MAP4: variants seen among roughly 807,000 people sequenced by gnomAD.
MAP4 encodes microtubule associated protein 4, also known as microtubule-associated protein 4.
Under a neutral mutation model 170.2 loss-of-function variants are expected in MAP4, and 76 were observed. The observed-to-expected ratio is 0.45, with a 90% CI of 0.37 to 0.54. The LOEUF (loss-of-function observed/expected upper bound fraction) is 0.54. Ranked by LOEUF, MAP4 falls within the 20% of genes least tolerant of loss-of-function variation. The probability of loss-of-function intolerance (pLI) is 0.00; values close to 1 mark genes in which losing one functional copy is unlikely to be tolerated. For missense variants in MAP4, 2,506 were observed against 2,748.0 expected, an observed-to-expected ratio of 0.91 and a Z score of 1.97; for synonymous variants, 909 against 994.5, an observed-to-expected ratio of 0.91 and a Z score of 1.62.
At position 47,871,031 on chromosome 3, in the gene MAP4, C is replaced by T. The variant is rs200912381; in HGVS notation, c.6076G>A (p.Ala2026Thr). ...ACTCGGCTGGGAACCACCCCTGCAG[C>T]GGGGGCTGTCCCACTGAGAGTGGTG... Reference protein sequence around the residue: ...KTTTLSGTAPAAGVVPSRVKA... With the variant: ...KTTTLSGTAPTAGVVPSRVKA... The change falls in exon 15 of 21, where the codon GCT becomes ACT. Residue 2026 changes from alanine to threonine, a missense_variant. Ala to Thr is a moderately conservative substitution (Grantham distance 58). Coordinates refer to ENST00000683076, the MANE Select transcript of MAP4 (RefSeq NM_001385682.1). 19 of 1,613,836 alleles carry T rather than the reference C, an allele frequency of 1.2e-5. No individual in the cohort carries two copies. The highest frequency in any genetic ancestry group is 2.2e-5 in the East Asian group (1 of 44,866).
In MAP4 at chr3:47,894,669, T is replaced by TTATC. The variant is rs1413119233; in HGVS notation, c.5434+8280_5434+8281insGATA. On this transcript the variant is annotated intron_variant, in intron 10 of 20. Coordinates refer to ENST00000683076, the MANE Select transcript of MAP4 (RefSeq NM_001385682.1). ...ACAACATAGTTGAATTCTTGCTTTC[T>TTATC]TTTTTTATACATATAATTGAATAAT... Among the ~76,000 whole-genome samples the TTATC allele has an allele frequency of 5.9e-5, 9 of 152,098 alleles. No homozygotes were observed. In the East Asian group the frequency reaches 1.7e-3, roughly 29 times the overall value.
intron 1 of MAP4, among the ~76,000 whole-genome samples, chr3:48,074,176 G>A (rs1559904900): frequency 6.6e-6 from 1 of 151,772 alleles, no homozygotes; most frequent in Non-Finnish European, 1.5e-5. Flanking sequence ...GATGAAGCTG[G>A]AAACCATCAT....
At chr3:47,921,208 C>T (rs970630074) in intron 5 of MAP4, among the ~76,000 whole-genome samples, 1 of 152,076 alleles carries the variant, frequency 6.6e-6, no homozygotes, top group Non-Finnish European at 1.5e-5. Flanking sequence ...TTGATTAATC[C>T]AAAGAGAGCC....
chr3:47,967,988 C>T (rs891961564), intron 3 of MAP4, among the ~76,000 whole-genome samples: 1 of 152,082 alleles, frequency 6.6e-6, no homozygotes, highest in Non-Finnish European at 1.5e-5. Flanking sequence ...GTCCTACCAG[C>T]GACCGACATT....
chr3:47,998,517 T>C, intron 2 of MAP4, 121 bp downstream of exon 2: 1 of 751,392 alleles, frequency 1.3e-6, no homozygotes, highest in Non-Finnish European at 2.3e-6. Context: ...CAAAGAAACA[T>C]AAAGTTACTA....
intron 3 of MAP4, among the ~76,000 whole-genome samples, chr3:47,943,304 C>G (rs186248515): frequency 6.6e-6 from 1 of 152,124 alleles, no homozygotes; most frequent in African/African-American, 2.4e-5. Flanking sequence ...GCCCACTAAC[C>G]TTTCTTGATT....
At position 47,880,343 on chromosome 3, in the gene MAP4, C is replaced by T. The variant is rs571429366; in HGVS notation, c.5435-2820G>A. ...CAGGATGGTCTCCATCTCCTGACCT[C>T]GTGATCCACCTGCCTCGGCCTCCCA... On this transcript the variant is annotated intron_variant, in intron 10 of 20. Transcript: ENST00000683076. Among the ~76,000 whole-genome samples the T allele has an allele frequency of 8.7e-5, 13 of 149,270 alleles. No homozygotes were observed. The South Asian group carries it at 1.1e-3, about 12-fold the overall frequency.
rs76079589 is a variant in MAP4 at position 47,956,987 on chromosome 3, G to A, written c.292+20878C>T. ...AACCACCTGGTGGCAAGTTGATTAC[G>A]CTGGACTTCTATTATGGGGAATAAG... On this transcript the variant is annotated intron_variant, in intron 3 of 20. Coordinates refer to ENST00000683076, the MANE Select transcript of MAP4 (RefSeq NM_001385682.1). Among the ~76,000 whole-genome samples, 615 of 152,254 alleles carry A rather than the reference G, an allele frequency of 4.0e-3. 6 individuals carry two copies. Among genetic ancestry groups the A allele is most frequent in the African/African-American group, 0.014 (590 of 41,538 alleles).
Position 48,048,823 on chromosome 3 carries a change from T to C in MAP4, c.-20+39950A>G, listed in dbSNP as rs77386206. 9.2e-5 allele frequency among the ~76,000 whole-genome samples: 14 copies of C among 152,148 alleles called. No individual in the cohort carries two copies. The East Asian group carries it at 2.7e-3, about 29-fold the overall frequency. ...CTATTTTTTTTAACCTGCATTTGTG[T>C]GTGTATTTCTAAGCAGTTTTGTCTC... On this transcript the variant is annotated intron_variant, in intron 1 of 18. Coordinates refer to the MAP4 transcript ENST00000360240.
intron 17 of MAP4, among the ~76,000 whole-genome samples, chr3:47,861,791 G>T (rs560526378): frequency 1.3e-5 from 2 of 152,114 alleles, no homozygotes; most frequent in South Asian, 4.2e-4. Flanking sequence ...CCCAGAAGGC[G>T]GAGGTTGCAG....
At chr3:48,056,830 G>C (rs867636482) in intron 1 of MAP4, among the ~76,000 whole-genome samples, 1 of 109,984 alleles carries the variant, frequency 9.1e-6, no homozygotes, top group Non-Finnish European at 1.9e-5. Flanking sequence ...CGACCCGTCC[G>C]GGAGGGAGGT....
Position 47,910,324 on chromosome 3 carries a change from C to T in MAP4, c.4097G>A (p.Gly1366Glu), listed in dbSNP as rs1209495314. The change falls in exon 9 of 21, where the codon GGA becomes GAA. Residue 1366 changes from glycine (G) to glutamate (E), a missense_variant. Coordinates refer to ENST00000683076, the MANE Select transcript of MAP4 (RefSeq NM_001385682.1). ...ACTATTTTTAACCTTTTTACTTTTTCCATCATTACTCCTTTTACTTGGTTT... is the reference window on the plus strand; with the variant it reads ...ACTATTTTTAACCTTTTTACTTTTTTCATCATTACTCCTTTTACTTGGTTT... ...ADKPSKRSNDGKSKKVKNSSP... is the reference protein window; with the variant it reads ...ADKPSKRSNDEKSKKVKNSSP... 1.3e-6 allele frequency: 2 copies of T among 1,555,012 alleles called. No individual in the cohort carries two copies. Among genetic ancestry groups the T allele is most frequent in the Non-Finnish European group, 1.7e-6 (2 of 1,155,048 alleles).
At chr3:48,001,851 C>G (rs566738959) in intron 1 of MAP4, among the ~76,000 whole-genome samples, 3 of 152,094 alleles carry the variant, frequency 2.0e-5, no homozygotes, top group Non-Finnish European at 4.4e-5. Context: ...TGTGACTATA[C>G]TAATGAGTTC....
At chr3:48,048,290 T>C (rs375715255) in intron 1 of MAP4, among the ~76,000 whole-genome samples, 71 of 152,268 alleles carry the variant, frequency 4.7e-4, no homozygotes, top group African/African-American at 1.7e-3. Flanking sequence ...CCACAGACAA[T>C]GGAGCAAGTC....
chr3:47,883,946 T>C (rs2097182823), intron 10 of MAP4, among the ~76,000 whole-genome samples: 2 of 152,268 alleles, frequency 1.3e-5, no homozygotes, highest in East Asian at 3.8e-4. Flanking sequence ...TATAAAAGTT[T>C]AATTATGAAA....
intron 2 of MAP4, among the ~76,000 whole-genome samples, chr3:47,980,639 A>G (rs961130092): frequency 6.6e-6 from 1 of 152,162 alleles, no homozygotes; most frequent in African/African-American, 2.4e-5. Context: ...AGGAAAGACA[A>G]CAGAATTCTA....
intron 1 of MAP4, among the ~76,000 whole-genome samples, chr3:48,046,237 A>C (rs1471258878): frequency 6.6e-6 from 1 of 151,946 alleles, no homozygotes; most frequent in African/African-American, 2.4e-5. Context: ...ATTTTTCTTA[A>C]CTATCACATA....
intron 17 of MAP4, among the ~76,000 whole-genome samples, chr3:47,864,858 C>CT (rs145568889): frequency 7.2e-5 from 11 of 152,072 alleles, no homozygotes; most frequent in Admixed American, 3.3e-4. Flanking sequence ...CAGAGCAAGA[C>CT]TTTTTTTTGT....
chr3:48,009,041 T>A (rs1422863708), intron 1 of MAP4, among the ~76,000 whole-genome samples: 2 of 152,216 alleles, frequency 1.3e-5, no homozygotes, highest in Non-Finnish European at 2.9e-5. Context: ...TCGCCTATCC[T>A]GTATGCAATG....
Sources: gnomAD v4.1 joint callset for allele counts (sites outside exome capture counted in the v4.1 genomes callset) on GRCh38, gnomAD v4.1.1 for gene constraint, MANE v1.5 for transcripts, NCBI Gene and HGNC (gene_info 2026-07-23, HGNC 2026-07-21) for gene names.